Variants in GABRB1 observed in about 807,000 individuals in gnomAD.
GABRB1 encodes gamma-aminobutyric acid type A receptor subunit beta1, also known as gamma-aminobutyric acid receptor subunit beta-1.
GABRB1 carries 17 observed loss-of-function variants against 51.6 expected under a neutral mutation model. The ratio of observed to expected loss-of-function variants is 0.33; its 90% CI spans 0.23 to 0.49. The LOEUF is 0.49. Ranked by LOEUF, GABRB1 falls within the 20% of genes least tolerant of loss-of-function variation. The pLI is 0.99. For missense variants in GABRB1, 410 were observed against 600.6 expected (o/e 0.68, Z 3.32); for synonymous variants, 247 against 218.9 (o/e 1.13, Z -1.14).
At chr4:47,053,476 G>A (rs573646681) in intron 3 of GABRB1, among the ~76,000 whole-genome samples, 4 of 152,060 alleles carry the variant, frequency 2.6e-5, no homozygotes, top group East Asian at 1.9e-4. Flanking sequence ...AATCTCATTC[G>A]TGAATACTCT....
intron 5 of GABRB1, among the ~76,000 whole-genome samples, chr4:47,373,831 T>G (rs567152310): frequency 6.6e-6 from 1 of 152,232 alleles, no homozygotes; most frequent in Non-Finnish European, 1.5e-5. Context: ...GAAAGATACA[T>G]ATAGAGTGCG....
At chr4:47,110,847 A>G (rs1488247714) in intron 3 of GABRB1, among the ~76,000 whole-genome samples, 1 of 152,172 alleles carries the variant, frequency 6.6e-6, no homozygotes, top group Admixed American at 6.5e-5. Flanking sequence ...TGTGAGTTTC[A>G]ATTCATTCAA....
chr4:47,054,507 C>A (rs1349320115), intron 3 of GABRB1, among the ~76,000 whole-genome samples: 1 of 152,118 alleles, frequency 6.6e-6, no homozygotes, highest in Non-Finnish European at 1.5e-5. Flanking sequence ...ATGGGTAATG[C>A]CTGCCTGATA....
intron 4 of GABRB1, among the ~76,000 whole-genome samples, chr4:47,261,885 G>T (rs931314975): frequency 1.3e-5 from 2 of 152,004 alleles, no homozygotes; most frequent in South Asian, 4.2e-4. Flanking sequence ...CAGAAATAAC[G>T]CCGCATATCT....
At chr4:47,160,372 G>C (rs1717889029) in intron 3 of GABRB1, among the ~76,000 whole-genome samples, 1 of 152,130 alleles carries the variant, frequency 6.6e-6, no homozygotes, top group South Asian at 2.1e-4. Flanking sequence ...ATTTGTATGT[G>C]CCTCATAACT....
At chr4:47,321,403 CAT>C (rs1560332723) in intron 5 of GABRB1, among the ~76,000 whole-genome samples, 1 of 152,114 alleles carries the variant, frequency 6.6e-6, no homozygotes, top group African/African-American at 2.4e-5. Context: ...CAAGTTTACA[CAT>C]AGACATTGAC....
chr4:47,061,058 T>C (rs575759480), intron 3 of GABRB1, among the ~76,000 whole-genome samples: 2 of 152,326 alleles, frequency 1.3e-5, no homozygotes, highest in African/African-American at 4.8e-5. Context: ...TCAGATCCAT[T>C]TATTTAAAAA....
At chr4:47,120,891 G>A (rs1315737174) in intron 3 of GABRB1, among the ~76,000 whole-genome samples, 1 of 152,074 alleles carries the variant, frequency 6.6e-6, no homozygotes, top group Non-Finnish European at 1.5e-5. Flanking sequence ...TTCTGAAGCA[G>A]AAGAAAGGAG....
chr4:47,032,569 C>T (rs745442015), intron 3 of GABRB1, 85 bp downstream of exon 3: 6 of 1,321,896 alleles, frequency 4.5e-6, no homozygotes, highest in Non-Finnish European at 6.6e-6. Context: ...GTTTCATTGG[C>T]GGTCACCTCG....
At chr4:47,036,345 C>G (rs1278070413) in intron 3 of GABRB1, among the ~76,000 whole-genome samples, 1 of 152,192 alleles carries the variant, frequency 6.6e-6, no homozygotes, top group Non-Finnish European at 1.5e-5. Flanking sequence ...AAAACAGTAA[C>G]TGCTTGTCAG....
intron 4 of GABRB1, among the ~76,000 whole-genome samples, chr4:47,188,385 C>T (rs1386062453): frequency 3.3e-5 from 5 of 151,876 alleles, no homozygotes; most frequent in African/African-American, 9.7e-5. Context: ...AGATTGATAA[C>T]CATTTTATTC....
At chr4:47,409,539 C>T (rs1054757693) in intron 8 of GABRB1, among the ~76,000 whole-genome samples, 1 of 152,198 alleles carries the variant, frequency 6.6e-6, no homozygotes, top group Non-Finnish European at 1.5e-5. Context: ...CTCCTCTGCT[C>T]CTCTGCTCTT....
intron 4 of GABRB1, among the ~76,000 whole-genome samples, chr4:47,272,370 T>C (rs1315972901): frequency 6.6e-6 from 1 of 152,216 alleles, no homozygotes; most frequent in Non-Finnish European, 1.5e-5. Context: ...TTTGTTTATT[T>C]TCATTCTTAG....
intron 4 of GABRB1, among the ~76,000 whole-genome samples, chr4:47,202,783 A>G (rs1719943352): frequency 6.6e-6 from 1 of 152,130 alleles, no homozygotes; most frequent in South Asian, 2.1e-4. Context: ...AAAAATCCAC[A>G]TCTCTCAGAA....
At chr4:46,996,717 T>C (rs949255799) in intron 1 of GABRB1, among the ~76,000 whole-genome samples, 2 of 152,224 alleles carry the variant, frequency 1.3e-5, no homozygotes, top group African/African-American at 4.8e-5. Context: ...CCAGTTTCTA[T>C]AGACTGTCAT....
chr4:47,046,009 A>AG (rs1303954196), intron 3 of GABRB1, among the ~76,000 whole-genome samples: 1 of 152,066 alleles, frequency 6.6e-6, no homozygotes, highest in African/African-American at 2.4e-5. Flanking sequence ...ACTGAAACAT[A>AG]GGGGCAGTTT....
intron 5 of GABRB1, among the ~76,000 whole-genome samples, chr4:47,368,480 C>T (rs922837392): frequency 6.6e-6 from 1 of 152,108 alleles, no homozygotes; most frequent in Non-Finnish European, 1.5e-5. Context: ...AGGGATACTG[C>T]TCAACATCAT....
At chr4:47,052,585 T>C (rs999305114) in intron 3 of GABRB1, among the ~76,000 whole-genome samples, 2 of 152,218 alleles carry the variant, frequency 1.3e-5, no homozygotes, top group African/African-American at 4.8e-5. Flanking sequence ...ATTTGTACTG[T>C]GGCCTTTAAA....
chr4:47,090,820 T>A (rs532135647), intron 3 of GABRB1, among the ~76,000 whole-genome samples: 9 of 146,452 alleles, frequency 6.1e-5, no homozygotes, highest in Non-Finnish European at 1.2e-4. Context: ...GAGGCCTACA[T>A]GCCTGGCCAG....
Sources: gnomAD v4.1 joint callset for allele counts (sites outside exome capture counted in the v4.1 genomes callset) on GRCh38, gnomAD v4.1.1 for gene constraint, MANE v1.5 for transcripts, NCBI Gene and HGNC (gene_info 2026-07-23, HGNC 2026-07-21) for gene names.